Variants in RYR3 observed in about 807,000 individuals in gnomAD.
The protein encoded by RYR3 is ryanodine receptor 3, also known as brain ryanodine receptor-calcium release channel.
A neutral mutation model predicts 584.3 loss-of-function variants in RYR3; 207 were observed. The ratio of observed to expected loss-of-function variants is 0.35; its 90% confidence interval spans 0.32 to 0.40. The LOEUF (loss-of-function observed/expected upper bound fraction) is 0.40. RYR3 is among the 10% of genes least tolerant of loss of function. The pLI is 1.00. For missense variants in RYR3, 5,616 were observed against 6,089.2 expected, an observed-to-expected ratio of 0.92 and a Z score of 2.59; for synonymous variants, 2,416 against 2,248.5, an observed-to-expected ratio of 1.07 and a Z score of -2.11.
intron 60 of RYR3, 62 bp downstream of exon 60, chr15:33,757,658 C>G (rs1218000872): frequency 3.2e-6 from 5 of 1,553,596 alleles, no homozygotes; most frequent in South Asian, 2.4e-5. Context: ...AATGCCAGGT[C>G]CCTGTGGACT....
At chr15:33,427,653 G>A (rs1482797864) in intron 1 of RYR3, among the ~76,000 whole-genome samples, 1 of 152,118 alleles carries the variant, frequency 6.6e-6, no homozygotes, top group Non-Finnish European at 1.5e-5. Context: ...GTTTATTCAT[G>A]GCTCTCTCTG....
At chr15:33,575,834 T>TTTAAA (rs1555535393) in intron 12 of RYR3, among the ~76,000 whole-genome samples, 8 of 144,512 alleles carry the variant, frequency 5.5e-5, no homozygotes, top group African/African-American at 1.8e-4. Context: ...GAGCTGGTTT[T>TTTAAA]AAAAAAAAAA....
chr15:33,326,802 T>A (rs897243536), intron 1 of RYR3, among the ~76,000 whole-genome samples: 2 of 152,212 alleles, frequency 1.3e-5, no homozygotes, highest in Non-Finnish European at 2.9e-5. Flanking sequence ...CTAGCTAACA[T>A]AAGTGCAATT....
Position 33,548,199 on chromosome 15 carries a change from G to A in RYR3, c.810G>A (p.Arg270=). 1.2e-6 allele frequency: 2 copies of A among 1,608,408 alleles called. No individual in the cohort carries two copies. Among genetic ancestry groups the A allele is most frequent in the Non-Finnish European group, 1.7e-6 (2 of 1,175,946 alleles). The change falls in exon 9 of 104, where the codon CGG becomes CGA. Residue 270 remains arginine, a synonymous_variant. Transcript: ENST00000634891. ...ARSLWRVEPL[R]ISWSGSNIRW... is the part of the protein sequence containing the mutation. ...CTCTTTGGAGAGTGGAACCCCTTCG[G>A]ATAAGGTAATGGAAGGCCTGGGAAT...
chr15:33,775,667 C>G (rs1434561211), intron 64 of RYR3, among the ~76,000 whole-genome samples: 3 of 152,150 alleles, frequency 2.0e-5, no homozygotes, highest in Non-Finnish European at 4.4e-5. Context: ...GCCTGACCTC[C>G]AGGGTTTCTC....
At chr15:33,785,542 A>T in intron 65 of RYR3, 120 bp from the exon 66 acceptor site, 1 of 785,302 alleles carries the variant, frequency 1.3e-6, no homozygotes, top group Non-Finnish European at 2.0e-6. Context: ...ATCCAAGCTC[A>T]CTGCTGTGAA....
chr15:33,347,337 T>C (rs767938318), intron 1 of RYR3, among the ~76,000 whole-genome samples: 1 of 152,228 alleles, frequency 6.6e-6, no homozygotes, highest in Non-Finnish European at 1.5e-5. Context: ...ATCATTGATT[T>C]ATATCATGAA....
intron 1 of RYR3, among the ~76,000 whole-genome samples, chr15:33,432,531 C>T (rs369305592): frequency 6.6e-6 from 1 of 151,300 alleles, no homozygotes; most frequent in African/African-American, 2.4e-5. Context: ...GATAGTCAAC[C>T]GTGTTTTCCG....
intron 1 of RYR3, among the ~76,000 whole-genome samples, chr15:33,471,232 G>A (rs757044755): frequency 4.2e-4 from 64 of 152,346 alleles, no homozygotes; most frequent in South Asian, 4.1e-4. Flanking sequence ...GTTCCAGATA[G>A]AATGTGGGAA....
In RYR3 at chr15:33,400,953, A is replaced by G. The variant is rs1444357084; in HGVS notation, c.52-72466A>G. ...GACAGCATGGACGGGTAAATTTGCAATACAACAGCTTGCCTTAACCACCCA... is the reference window on the plus strand; with the variant it reads ...GACAGCATGGACGGGTAAATTTGCAGTACAACAGCTTGCCTTAACCACCCA... On this transcript the variant is annotated intron_variant, in intron 1 of 103. Coordinates refer to ENST00000634891, the MANE Select transcript of RYR3 (RefSeq NM_001036.6). Among the ~76,000 whole-genome samples, 5 of 152,312 alleles carry G rather than the reference A, an allele frequency of 3.3e-5. No homozygotes were observed. The East Asian group carries it at 9.6e-4, about 29-fold the overall frequency.
At chr15:33,500,641 T>C (rs1277230844) in intron 2 of RYR3, among the ~76,000 whole-genome samples, 1 of 152,120 alleles carries the variant, frequency 6.6e-6, no homozygotes, top group African/African-American at 2.4e-5. Flanking sequence ...AGCCCTTCTC[T>C]CCATGCTGAG....
At chr15:33,330,191 A>G (rs1265980064) in intron 1 of RYR3, among the ~76,000 whole-genome samples, 1 of 152,072 alleles carries the variant, frequency 6.6e-6, no homozygotes, top group Non-Finnish European at 1.5e-5. Flanking sequence ...TTTAGGGTAC[A>G]TGTTCTTTGT....
chr15:33,473,042 T>C (rs1435116), intron 1 of RYR3, among the ~76,000 whole-genome samples: 97,339 of 152,014 alleles, frequency 0.64, 32,237 homozygotes, highest in African/African-American at 0.83. Flanking sequence ...CTCTGTTCCC[T>C]TCAATCCTAT....
Position 33,609,479 on chromosome 15 carries a change from A to G in RYR3, c.2165-3704A>G, listed in dbSNP as rs141280533. On this transcript the variant is annotated intron_variant, in intron 18 of 103. Transcript: ENST00000634891. ...AAGACCAGCCTAGCCAACGGGGTGA[A>G]ATCCTATCTCTACTGAAAATACAAA... Among the ~76,000 whole-genome samples the G allele has an allele frequency of 8.0e-3, 1,214 of 152,266 alleles. 11 individuals are homozygous for G. The highest frequency in any genetic ancestry group is 0.011 in the Non-Finnish European group (755 of 68,018).
chr15:33,608,299 T>C (rs8038481), intron 18 of RYR3, among the ~76,000 whole-genome samples: 128,753 of 152,170 alleles, frequency 0.85, 54,562 homozygotes, highest in Non-Finnish European at 0.87. Context: ...CTCCCTTTGC[T>C]ATCTCACTGC....
At chr15:33,338,390 A>G (rs533301101) in intron 1 of RYR3, among the ~76,000 whole-genome samples, 4 of 152,288 alleles carry the variant, frequency 2.6e-5, no homozygotes, top group Non-Finnish European at 5.9e-5. Context: ...CTGCATTTTT[A>G]CATAAGATGA....
At chr15:33,530,526 T>C in intron 3 of RYR3, 66 bp from the exon 4 acceptor site, 1 of 1,068,548 alleles carries the variant, frequency 9.4e-7, no homozygotes, top group South Asian at 1.3e-5. Flanking sequence ...AGAATTATTG[T>C]GTTGCTTGGC....
chr15:33,360,306 G>A (rs1362108833), intron 1 of RYR3, among the ~76,000 whole-genome samples: 1 of 151,794 alleles, frequency 6.6e-6, no homozygotes, highest in Non-Finnish European at 1.5e-5. Context: ...GGCCGTCACT[G>A]ACCTGCTTTC....
At chr15:33,441,290 G>T (rs2046211740) in intron 1 of RYR3, among the ~76,000 whole-genome samples, 1 of 152,114 alleles carries the variant, frequency 6.6e-6, no homozygotes, top group Non-Finnish European at 1.5e-5. Context: ...TTCAGCCACA[G>T]TATTAACTAA....
Sources: allele counts gnomAD v4.1 joint callset (sites outside exome capture counted in the v4.1 genomes callset), GRCh38; gene constraint gnomAD v4.1.1; transcripts MANE v1.5; gene names NCBI Gene and HGNC (gene_info 2026-07-23, HGNC 2026-07-21).